IGSF10: variants seen among roughly 807,000 people sequenced by gnomAD.
The protein encoded by IGSF10 is calvaria mechanical force protein 608.
Under a neutral mutation model 128.2 loss-of-function variants are expected in IGSF10, and 126 were observed. The ratio of observed to expected loss-of-function variants is 0.98; its 90% CI spans 0.85 to 1.14. IGSF10 has a LOEUF of 1.14. IGSF10 is among the 50% of genes most tolerant of loss of function. IGSF10 has a pLI of 0.00. For missense variants in IGSF10, 3,295 were observed against 3,149.8 expected (o/e 1.05, Z -1.10); for synonymous variants, 1,185 against 1,146.2 (o/e 1.03, Z -0.68).
chr3:151,544,529 C>T, the IGSF10 span, among the ~76,000 whole-genome samples: 5 of 152,128 alleles, frequency 3.3e-5, no homozygotes, highest in African/African-American at 1.2e-4. Context: ...AATTGGAGAG[C>T]ATTTTCACTG....
rs1401892999 is a variant in IGSF10, at chr3:151,445,449, T to TGC, written c.4530_4531dup (p.His1511ArgfsTer9). On this transcript the variant is annotated frameshift_variant, in exon 6 of 8. Transcript: ENST00000282466. LOFTEE classifies it high-confidence loss of function. ...TACTAATTGCTGTGGTTTAGCATTG[T>TGC]GCCTTGAGGATTCGTGCAGCTTGAC... 6.2e-7 allele frequency: 1 copy of TGC among 1,614,224 alleles called. No homozygotes were observed. The highest frequency in any genetic ancestry group is 8.5e-7 in the Non-Finnish European group (1 of 1,180,042).
In IGSF10 at chr3:151,438,267, A is replaced by G. The variant is rs1196436075; in HGVS notation, c.6294T>C (p.Leu2098=). Reference sequence around the variant, plus strand: ...TGAAGTATAAAGTTCCATTGTTGAAAAGGGTATATCTCCTAGTCCTGTGGC... The same window carrying G: ...TGAAGTATAAAGTTCCATTGTTGAAGAGGGTATATCTCCTAGTCCTGTGGC... ...DSGHRTRRYT[L]FNNGTLYFNK... The change falls in exon 8 of 8, where the codon CTT becomes CTC. Residue 2098 remains leucine (L), a synonymous_variant. Transcript: ENST00000282466. The G allele has an allele frequency of 2.5e-6, 4 of 1,614,148 alleles. No individual in the cohort carries two copies. Among genetic ancestry groups the G allele is most frequent in the Non-Finnish European group, 2.5e-6 (3 of 1,180,016 alleles).
In IGSF10 at chr3:151,436,889, G is replaced by A. The variant is rs1321229814; in HGVS notation, c.7672C>T (p.Pro2558Ser). 6.2e-7 allele frequency: 1 copy of A among 1,614,078 alleles called. No individual in the cohort carries two copies. Among genetic ancestry groups the A allele is most frequent in the East Asian group, 2.2e-5 (1 of 44,884 alleles). Residue 2558 changes from proline (P) to serine (S), a missense_variant, in exon 8 of 8, where the codon CCA becomes TCA. Physicochemically the swap from Pro to Ser is moderately conservative, Grantham distance 74 (BLOSUM62 -1). Transcript: ENST00000282466. ...TCAGGCATCTCCCATGTGATTTCTG[G>A]CTTGGGAACTCCCAAGGCCACACAG... ...LHCVALGVPK[P>S]EITWEMPDHS... is the part of the protein sequence containing the mutation.
chr3:151,451,784 T>C (rs944039546), intron 5 of IGSF10, among the ~76,000 whole-genome samples: 5 of 152,166 alleles, frequency 3.3e-5, no homozygotes, highest in Non-Finnish European at 7.4e-5. Context: ...TGATTTAGCA[T>C]AAAAACAGGT....
chr3:151,569,727 T>G, the IGSF10 span, among the ~76,000 whole-genome samples: 1 of 152,056 alleles, frequency 6.6e-6, no homozygotes, highest in Non-Finnish European at 1.5e-5. Flanking sequence ...ATTATAACTA[T>G]TTTTTAATCT....
At chr3:151,524,139 G>C in the IGSF10 span, among the ~76,000 whole-genome samples, 39 of 152,116 alleles carry the variant, frequency 2.6e-4, no homozygotes, top group African/African-American at 9.4e-4. Context: ...ACAGGTGCTG[G>C]CGAGGTTGCA....
the IGSF10 span, among the ~76,000 whole-genome samples, chr3:151,476,854 A>G: frequency 6.6e-6 from 1 of 152,234 alleles, no homozygotes; most frequent in African/African-American, 2.4e-5. Flanking sequence ...CTGTCAGCAC[A>G]TGAAGTAGAC....
chr3:151,484,576 C>T, the IGSF10 span, among the ~76,000 whole-genome samples: 1 of 152,104 alleles, frequency 6.6e-6, no homozygotes, highest in African/African-American at 2.4e-5. Context: ...GCAGGTGCCC[C>T]TCTGGGACAA....
the IGSF10 span, among the ~76,000 whole-genome samples, chr3:151,557,590 A>G: frequency 9.2e-5 from 14 of 152,154 alleles, no homozygotes; most frequent in African/African-American, 3.1e-4. Context: ...AGCCCCCAAC[A>G]AGTTATGTGA....
chr3:151,465,424 G>A (rs2108590140), upstream of IGSF10, among the ~76,000 whole-genome samples: 1 of 152,322 alleles, frequency 6.6e-6, no homozygotes, highest in South Asian at 2.1e-4. Context: ...TAAATGCTCT[G>A]TGTTGCTTTT....
the IGSF10 span, among the ~76,000 whole-genome samples, chr3:151,615,964 G>GTTTTTT: frequency 3.8e-5 from 5 of 132,354 alleles, no homozygotes; most frequent in African/African-American, 5.6e-5. Context: ...GTTTTTTGAG[G>GTTTTTT]TTTTTTTTTT....
the IGSF10 span, among the ~76,000 whole-genome samples, chr3:151,587,409 T>C: frequency 6.6e-6 from 1 of 152,312 alleles, no homozygotes; most frequent in East Asian, 1.9e-4. Flanking sequence ...ATTTTTGTTC[T>C]GGATAGAACT....
chr3:151,607,186 A>T, the IGSF10 span, among the ~76,000 whole-genome samples: 1 of 152,154 alleles, frequency 6.6e-6, no homozygotes, highest in Admixed American at 6.5e-5. Context: ...AAGCTTTATA[A>T]TCTTAGAGGC....
At chr3:151,550,924 G>T in the IGSF10 span, among the ~76,000 whole-genome samples, 1 of 152,108 alleles carries the variant, frequency 6.6e-6, no homozygotes, top group Non-Finnish European at 1.5e-5. Context: ...GGCTGATGTT[G>T]CTCCCTTGGT....
At position 151,443,173 on chromosome 3, in the gene IGSF10, G is replaced by A. The variant is rs770046902; in HGVS notation, c.5774C>T (p.Ser1925Leu). 4.5e-5 allele frequency: 72 copies of A among 1,614,104 alleles called. No individual in the cohort carries two copies. The highest frequency in any genetic ancestry group is 3.5e-4 in the South Asian group (32 of 91,090). The change falls in exon 7 of 8, where the codon TCG becomes TTG. Residue 1925 changes from serine to leucine, a missense_variant. Ser to Leu is a moderately radical substitution (Grantham distance 145). Coordinates refer to ENST00000282466, the MANE Select transcript of IGSF10 (RefSeq NM_178822.5). ...TGTAAGCATTACTACTCTTCGCTCC[G>A]AACCAGTGGAACTGGTAGCAATGCA... ...YECIATSSTGSERRVVMLTME... is the reference protein window; with the variant it reads ...YECIATSSTGLERRVVMLTME...
chr3:151,435,846 CCT>C (rs1720110291), downstream of IGSF10: 1 of 151,790 alleles, frequency 6.6e-6, no homozygotes, highest in Admixed American at 6.6e-5. Flanking sequence ...AGACCTAGAC[CCT>C]CCCAAGCATT....
the IGSF10 span, among the ~76,000 whole-genome samples, chr3:151,605,121 A>C: frequency 6.6e-6 from 1 of 152,216 alleles, no homozygotes; most frequent in South Asian, 2.1e-4. Context: ...AAAATCACCA[A>C]CAGAGAGTTT....
the IGSF10 span, among the ~76,000 whole-genome samples, chr3:151,550,009 A>G: frequency 6.4e-4 from 97 of 152,310 alleles, no homozygotes; most frequent in Admixed American, 1.4e-3. Context: ...AGAAAAATTA[A>G]AGGGTAAAAT....
At chr3:151,520,538 T>C in the IGSF10 span, among the ~76,000 whole-genome samples, 13 of 151,764 alleles carry the variant, frequency 8.6e-5, no homozygotes, top group African/African-American at 3.1e-4. Flanking sequence ...ACCTCTCAGC[T>C]GAAACCCTAC....
Sources: gnomAD v4.1 joint callset for allele counts (sites outside exome capture counted in the v4.1 genomes callset) on GRCh38, gnomAD v4.1.1 for gene constraint, MANE v1.5 for transcripts, NCBI Gene and HGNC (gene_info 2026-07-23, HGNC 2026-07-21) for gene names.